Variants in NTN3 observed in about 807,000 individuals in gnomAD.
NTN3 encodes the protein netrin 3.
A neutral mutation model predicts 37.2 loss-of-function variants in NTN3; 44 were observed. That is an observed-to-expected ratio of 1.18 (90% CI 0.93 to 1.52). The LOEUF (loss-of-function observed/expected upper bound fraction) is 1.52, where lower values mean the gene tolerates loss of function less well. Ranked by LOEUF, NTN3 falls within the 40% of genes most tolerant of loss-of-function variation. The pLI is 0.00. For synonymous variants in NTN3, 385 were observed against 376.0 expected, an observed-to-expected ratio of 1.02 and a Z score of -0.28; for missense variants, 882 against 857.3, an observed-to-expected ratio of 1.03 and a Z score of -0.36.
At chr16:2,473,399 G>A (rs2065534764) in intron 4 of NTN3, 30 bp from the exon 5 acceptor site, 2 of 1,612,694 alleles carry the variant, frequency 1.2e-6, no homozygotes, top group Non-Finnish European at 1.7e-6. Flanking sequence ...GGGAAAGGGA[G>A]TCTGTGCCAG....
chr16:2,472,717 C>G lies in NTN3; in HGVS notation c.945C>G (p.Gly315=). Residue 315 remains glycine (G), a synonymous_variant, in exon 2 of 6, where the codon GGC becomes GGG. Transcript: ENST00000293973. ...SHACLACSCN[G]HARRCRFNME... The stretch of plus-strand genomic sequence containing the variant: ...TCCCTGCAGCTTGCTCCTGCAACGG[C>G]CATGCCCGCCGCTGCCGCTTCAACA... The G allele has an allele frequency of 6.2e-7, 1 of 1,608,246 alleles. No homozygotes were observed. Among genetic ancestry groups the G allele is most frequent in the Non-Finnish European group, 8.5e-7 (1 of 1,179,426 alleles).
chr16:2,473,513 C>G lies in NTN3; in HGVS notation c.1393+10C>G. 6.2e-7 allele frequency: 1 copy of G among 1,611,788 alleles called. No individual in the cohort carries two copies. The highest frequency in any genetic ancestry group is 8.5e-7 in the Non-Finnish European group (1 of 1,179,162). On this transcript the variant is annotated intron_variant, in intron 5 of 5. Transcript: ENST00000293973. ...TGCAAGAAGGACTATGGTAGGTGCC[C>G]TCAGGCCTCCCGCGGACCTTCCCAC...
rs1167247435 is a variant in NTN3 at position 2,471,717 on chromosome 16, TG to T, written c.21del (p.Leu8CysfsTer3). 5 of 1,366,530 alleles carry T rather than the reference TG, an allele frequency of 3.7e-6. No homozygotes were observed. The highest frequency in any genetic ancestry group is 3.7e-5 in the Admixed American group (1 of 27,292). 84.7% of individuals were successfully genotyped at this position (1,366,530 alleles called of 1,614,324 possible). A position where few individuals can be genotyped will look rare whatever the true frequency, so the allele number is the denominator to read the frequency against. On this transcript the variant is annotated frameshift_variant, in exon 1 of 6. Transcript: ENST00000293973. LOFTEE classifies it high-confidence loss of function. ...GGCTCCGGCCATGCCTGGCTGGCCC[TG>T]GGGGCTGCTGCTGACGGCAGGCACG... MPGWP[W>X]GLLLTAGTLF...
chr16:2,471,895 G>C lies in NTN3; in HGVS notation c.194G>C (p.Arg65Pro). The change falls in exon 1 of 6, where the codon CGG becomes CCG. Residue 65 changes from arginine to proline, a missense_variant. Coordinates refer to ENST00000293973, the MANE Select transcript of NTN3 (RefSeq NM_006181.3). ...ASSTCGRPATRACDASDPRRA... is the reference protein window; with the variant it reads ...ASSTCGRPATPACDASDPRRA... ...AGCACGTGCGGGCGGCCGGCCACTC[G>C]GGCCTGCGACGCCTCCGACCCGCGA... 4 of 1,493,850 alleles carry C rather than the reference G, an allele frequency of 2.7e-6. No homozygotes were observed. The highest frequency in any genetic ancestry group is 3.6e-6 in the Non-Finnish European group (4 of 1,120,986). The allele number at this position is 1,493,850 out of a possible 1,614,324, so 92.5% of individuals were successfully genotyped here. A position where few individuals can be genotyped will look rare whatever the true frequency, so the allele number is the denominator to read the frequency against.
rs35693349 is a variant in NTN3 at position 2,472,714 on chromosome 16, C to A, written c.942C>A (p.Asn314Lys). 6.2e-7 allele frequency: 1 copy of A among 1,608,004 alleles called. No individual in the cohort carries two copies. The highest frequency in any genetic ancestry group is 1.1e-5 in the South Asian group (1 of 91,046). The change falls in exon 2 of 6, where the codon AAC becomes AAA. Residue 314 changes from asparagine (N) to lysine (K), a missense_variant. Transcript: ENST00000293973. Reference protein sequence around the residue: ...ESHACLACSCNGHARRCRFNM... With the variant: ...ESHACLACSCKGHARRCRFNM... ...CCCTCCCTGCAGCTTGCTCCTGCAA[C>A]GGCCATGCCCGCCGCTGCCGCTTCA...
At position 2,473,808 on chromosome 16, in the gene NTN3, C is replaced by G; in HGVS notation, c.1446C>G (p.Arg482=). ...ARGEARGAWT[R]FPVAVLAVFR... ...GCGAGGCGCGCGGCGCGTGGACACG[C>G]TTCCCGGTGGCGGTGCTCGCCGTGT... Residue 482 remains arginine, a synonymous_variant, in exon 6 of 6, where the codon CGC becomes CGG. Transcript: ENST00000293973. 1 of 1,392,952 alleles carries G rather than the reference C, an allele frequency of 7.2e-7. No homozygotes were observed. The highest frequency in any genetic ancestry group is 9.2e-7 in the Non-Finnish European group (1 of 1,084,048). The allele number at this position is 1,392,952 out of a possible 1,614,324, so 86.3% of individuals were successfully genotyped here.
Position 2,473,066 on chromosome 16 carries a change from C to G in NTN3, c.1199C>G (p.Thr400Ser). The change falls in exon 3 of 6, where the codon ACT (threonine) becomes AGT (serine). Residue 400 changes from threonine to serine, a missense_variant. By Grantham distance (58) the Thr-to-Ser change is moderately conservative. Coordinates refer to ENST00000293973, the MANE Select transcript of NTN3 (RefSeq NM_006181.3). ...TGQCPCKDGV[T>S]GLTCNRCAPG... ...CAGTGTCCCTGCAAGGATGGCGTCA[C>G]TGGCCTCACCTGCAACCGCTGCGCG... 1.9e-6 allele frequency: 3 copies of G among 1,611,282 alleles called. No individual in the cohort carries two copies. The highest frequency in any genetic ancestry group is 2.2e-5 in the South Asian group (2 of 91,078).
In NTN3 at chr16:2,472,577, C is replaced by G; in HGVS notation, c.876C>G (p.Tyr292Ter). 1 of 1,601,230 alleles carries G rather than the reference C, an allele frequency of 6.2e-7. No individual in the cohort carries two copies. Among genetic ancestry groups the G allele is most frequent in the Non-Finnish European group, 8.5e-7 (1 of 1,174,822 alleles). Residue 292 changes from tyrosine (Y) to a stop codon, truncating the protein, a stop_gained, in exon 1 of 6, where the codon TAC (tyrosine) becomes TAG (stop). Coordinates refer to ENST00000293973, the MANE Select transcript of NTN3 (RefSeq NM_006181.3). LOFTEE classifies it high-confidence loss of function. ...ACTGCGGCCGCTGCAAGCCCTTCTA[C>G]TGCGACAGGCCATGGCAGCGGGCCA... ...GPDCGRCKPF[Y>*]CDRPWQRATA...
In NTN3 at chr16:2,471,883, G is replaced by A. The variant is rs781451890; in HGVS notation, c.182G>A (p.Arg61Gln). 1.4e-5 allele frequency: 21 copies of A among 1,479,942 alleles called. No homozygotes were observed. The highest frequency in any genetic ancestry group is 1.6e-5 in the Non-Finnish European group (18 of 1,114,152). The allele number at this position is 1,479,942 out of a possible 1,614,324, so 91.7% of individuals were successfully genotyped here. The change falls in exon 1 of 6, where the codon CGG becomes CAG. Residue 61 changes from arginine (R) to glutamine (Q), a missense_variant. By Grantham distance (43) the Arg-to-Gln change is conservative. Coordinates refer to ENST00000293973, the MANE Select transcript of NTN3 (RefSeq NM_006181.3). The part of the protein sequence containing the change: ...REVLASSTCG[R>Q]PATRACDASD... ...GTGCTGGCTTCCAGCACGTGCGGGC[G>A]GCCGGCCACTCGGGCCTGCGACGCC...
At position 2,472,740 on chromosome 16, in the gene NTN3, A is replaced by G; in HGVS notation, c.968A>G (p.Asn323Ser). Residue 323 changes from asparagine to serine, a missense_variant, in exon 2 of 6, where the codon AAC becomes AGC. Asn to Ser is a conservative substitution (Grantham distance 46, BLOSUM62 1). Transcript: ENST00000293973. ...GGCCATGCCCGCCGCTGCCGCTTCA[A>G]CATGGAGCTGTACCGACTGTCCGGC... ...CNGHARRCRF[N>S]MELYRLSGRR... is the part of the protein sequence containing the mutation. The G allele has an allele frequency of 6.2e-7, 1 of 1,609,572 alleles. No homozygotes were observed. The highest frequency in any genetic ancestry group is 1.1e-5 in the South Asian group (1 of 91,062).
rs2065535807 is a variant in NTN3, at chr16:2,473,508, G to A, written c.1393+5G>A. On this transcript the variant is annotated splice_donor_5th_base_variant and intron_variant, in intron 5 of 5. Coordinates refer to ENST00000293973, the MANE Select transcript of NTN3 (RefSeq NM_006181.3). ...AGTTCTGCAAGAAGGACTATGGTAG[G>A]TGCCCTCAGGCCTCCCGCGGACCTT... The A allele has an allele frequency of 1.2e-6, 2 of 1,612,252 alleles. No homozygotes were observed. The highest frequency in any genetic ancestry group is 1.7e-6 in the Non-Finnish European group (2 of 1,179,572).
Position 2,473,758 on chromosome 16 carries a change from G to A in NTN3, c.1396G>A (p.Val466Met). Reference sequence around the variant, plus strand: ...GCCCCCTCTCGCTCTCCCCGCAGCGGTGCAGGTGGCGGTGGGTGCGCGCGG... The same window carrying A: ...GCCCCCTCTCGCTCTCCCCGCAGCGATGCAGGTGGCGGTGGGTGCGCGCGG... ...LKKFCKKDYAVQVAVGARGEA... is the reference protein window; with the variant it reads ...LKKFCKKDYAMQVAVGARGEA... Residue 466 changes from valine (V) to methionine (M), a missense_variant and splice_region_variant, in exon 6 of 6, where the codon GTG becomes ATG. Transcript: ENST00000293973. The A allele has an allele frequency of 7.1e-7, 1 of 1,401,868 alleles. No individual in the cohort carries two copies. The highest frequency in any genetic ancestry group is 1.6e-5 in the South Asian group (1 of 63,216). 86.8% of individuals were successfully genotyped at this position (1,401,868 alleles called of 1,614,324 possible).
At position 2,471,322 on chromosome 16, in the gene NTN3, C is replaced by T. The variant is rs961661859; in HGVS notation, c.-380C>T. Among the ~76,000 whole-genome samples the T allele has an allele frequency of 6.6e-6, 1 of 151,880 alleles. No homozygotes were observed. Among genetic ancestry groups the T allele is most frequent in the African/African-American group, 2.4e-5 (1 of 41,386 alleles). On this transcript the variant is annotated 5_prime_UTR_variant, in exon 1 of 6. Transcript: ENST00000293973. ...ACAGCTCGTCCGCCCTCGCTGCAGCCGGGAGGAGGCGGCGGCCCGTGCACC... is the reference window on the plus strand; with the variant it reads ...ACAGCTCGTCCGCCCTCGCTGCAGCTGGGAGGAGGCGGCGGCCCGTGCACC...
Position 2,472,565 on chromosome 16 carries a change from C to T in NTN3, c.864C>T (p.Cys288=), listed in dbSNP as rs2065528223. Residue 288 remains cysteine (C), a synonymous_variant, in exon 1 of 6, where the codon TGC becomes TGT. Coordinates refer to ENST00000293973, the MANE Select transcript of NTN3 (RefSeq NM_006181.3). ...HGTEGPDCGR[C]KPFYCDRPWQ... ...CCGAGGGCCCTGACTGCGGCCGCTGCAAGCCCTTCTACTGCGACAGGCCAT... is the reference window on the plus strand; with the variant it reads ...CCGAGGGCCCTGACTGCGGCCGCTGTAAGCCCTTCTACTGCGACAGGCCAT... 2 of 1,604,254 alleles carry T rather than the reference C, an allele frequency of 1.2e-6. No individual in the cohort carries two copies. Among genetic ancestry groups the T allele is most frequent in the Non-Finnish European group, 1.7e-6 (2 of 1,177,506 alleles).
chr16:2,473,124 G>T lies in NTN3; in HGVS notation c.1257G>T (p.Ala419=). 1.2e-6 allele frequency: 2 copies of T among 1,601,312 alleles called. No homozygotes were observed. The highest frequency in any genetic ancestry group is 1.7e-6 in the Non-Finnish European group (2 of 1,174,654). Reference sequence around the variant, plus strand: ...TCCAGCAAAGCCGCTCCCCAGTGGCGCCCTGTGTTAGTGAGTGACCCTGCC... The same window carrying T: ...TCCAGCAAAGCCGCTCCCCAGTGGCTCCCTGTGTTAGTGAGTGACCCTGCC... ...PGFQQSRSPV[A]PCVKTPIPGP... is the part of the protein sequence containing the mutation. Residue 419 remains alanine (A), a synonymous_variant, in exon 3 of 6, where the codon GCG becomes GCT. Transcript: ENST00000293973.
chr16:2,471,832 T>G lies in NTN3; in HGVS notation c.131T>G (p.Leu44Arg), dbSNP rs556590054. Residue 44 changes from leucine (L) to arginine (R), a missense_variant, in exon 1 of 6, where the codon CTG becomes CGG. Transcript: ENST00000293973. ...GCGCCCCGCGGCTGCGTGCCAGGAC[T>G]GGTGAACGCCGCCCTGGGCCGCGAG... ...GGAPRGCVPG[L>R]VNAALGREVL... 3 of 1,436,146 alleles carry G rather than the reference T, an allele frequency of 2.1e-6. No homozygotes were observed. Among genetic ancestry groups the G allele is most frequent in the Admixed American group, 2.9e-5 (1 of 34,382 alleles). The allele number at this position is 1,436,146 out of a possible 1,614,324, so 89.0% of individuals were successfully genotyped here.
In NTN3 at chr16:2,472,696, T is replaced by A. The variant is rs1156253025; in HGVS notation, c.929-5T>A. On this transcript the variant is annotated splice_polypyrimidine_tract_variant and splice_region_variant and intron_variant, in intron 1 of 5. Transcript: ENST00000293973. Reference sequence around the variant, plus strand: ...AGCCTGCCCCTGACCCATCCCTCCCTGCAGCTTGCTCCTGCAACGGCCATG... The same window carrying A: ...AGCCTGCCCCTGACCCATCCCTCCCAGCAGCTTGCTCCTGCAACGGCCATG... The A allele has an allele frequency of 1.9e-6, 3 of 1,609,096 alleles. No homozygotes were observed. Among genetic ancestry groups the A allele is most frequent in the Non-Finnish European group, 2.5e-6 (3 of 1,179,188 alleles).
chr16:2,472,485 T>C lies in NTN3; in HGVS notation c.784T>C (p.Ser262Pro). ...GGRCKCNGHA[S>P]RCLLDTQGHL... is the part of the protein sequence containing the mutation. ...GCGCTGCAAGTGCAATGGACATGCC[T>C]CACGGTGCCTGCTGGACACACAGGG... The change falls in exon 1 of 6, where the codon TCA becomes CCA. Residue 262 changes from serine to proline, a missense_variant. By Grantham distance (74) the Ser-to-Pro change is moderately conservative. Coordinates refer to ENST00000293973, the MANE Select transcript of NTN3 (RefSeq NM_006181.3). 1 of 1,595,576 alleles carries C rather than the reference T, an allele frequency of 6.3e-7. No homozygotes were observed. The highest frequency in any genetic ancestry group is 8.6e-7 in the Non-Finnish European group (1 of 1,164,464).
rs1288584176 is a variant in NTN3, at chr16:2,473,770, G to A, written c.1408G>A (p.Val470Met). The A allele has an allele frequency of 7.2e-6, 10 of 1,389,334 alleles. No individual in the cohort carries two copies. Among genetic ancestry groups the A allele is most frequent in the Admixed American group, 7.1e-5 (2 of 28,020 alleles). 86.1% of individuals were successfully genotyped at this position (1,389,334 alleles called of 1,614,324 possible). A position where few individuals can be genotyped will look rare whatever the true frequency, so the allele number is the denominator to read the frequency against. The part of the protein sequence containing the change: ...CKKDYAVQVA[V>M]GARGEARGAW... ...TCTCCCCGCAGCGGTGCAGGTGGCGGTGGGTGCGCGCGGCGAGGCGCGCGG... is the reference window on the plus strand; with the variant it reads ...TCTCCCCGCAGCGGTGCAGGTGGCGATGGGTGCGCGCGGCGAGGCGCGCGG... Residue 470 changes from valine (V) to methionine (M), a missense_variant, in exon 6 of 6, where the codon GTG (valine) becomes ATG (methionine). Physicochemically the swap from Val to Met is conservative, Grantham distance 21. Transcript: ENST00000293973.
Sources: allele counts gnomAD v4.1 joint callset (sites outside exome capture counted in the v4.1 genomes callset), GRCh38; gene constraint gnomAD v4.1.1; transcripts MANE v1.5; gene names NCBI Gene and HGNC (gene_info 2026-07-23, HGNC 2026-07-21).